AK9: variants seen among roughly 807,000 people sequenced by gnomAD.
The protein encoded by AK9 is adenylate kinase 9, also known as adenylate kinase domain containing 1.
AK9 carries 191 observed loss-of-function variants against 239.6 expected under a neutral mutation model. The ratio of observed to expected loss-of-function variants is 0.80; its 90% CI spans 0.71 to 0.90. The LOEUF (loss-of-function observed/expected upper bound fraction) is 0.90. Ranked by LOEUF, AK9 falls within the 40% of genes least tolerant of loss-of-function variation. AK9 has a pLI of 0.00. For synonymous variants in AK9, 689 were observed against 721.0 expected (o/e 0.96, Z 0.71); for missense variants, 1,995 against 2,214.7 (o/e 0.90, Z 1.99).
At chr6:109,626,980 T>A (rs989339807) in intron 12 of AK9, among the ~76,000 whole-genome samples, 5 of 152,100 alleles carry the variant, frequency 3.3e-5, no homozygotes, top group African/African-American at 1.2e-4. Context: ...CCTTGTCTTA[T>A]TATAGCTTTT....
At position 109,576,893 on chromosome 6, in the gene AK9, T is replaced by G. The variant is rs1788160481; in HGVS notation, c.2191+2657A>C. The stretch of plus-strand genomic sequence containing the variant: ...TCACCTAGGCTGGAGTGCAGTGGCA[T>G]GATCTCAGCTCATTGCAACCTCCAC... On this transcript the variant is annotated intron_variant, in intron 20 of 40. Transcript: ENST00000424296. 2.6e-5 allele frequency among the ~76,000 whole-genome samples: 4 copies of G among 151,668 alleles called. No homozygotes were observed. The South Asian group carries it at 8.4e-4, about 32-fold the overall frequency.
chr6:109,593,655 A>C (rs145556740), intron 17 of AK9, among the ~76,000 whole-genome samples: 28 of 152,034 alleles, frequency 1.8e-4, no homozygotes, highest in African/African-American at 6.5e-4. Flanking sequence ...ACATCAAAAA[A>C]CTTATCCACC....
At chr6:109,642,628 G>C (rs925139458) in intron 9 of AK9, among the ~76,000 whole-genome samples, 1 of 152,078 alleles carries the variant, frequency 6.6e-6, no homozygotes, top group Non-Finnish European at 1.5e-5. Context: ...GTAGTAAAAA[G>C]TGGTAGAATT....
In AK9 at chr6:109,623,860, T is replaced by C. The variant is rs186980965; in HGVS notation, c.1255-4624A>G. Reference sequence around the variant, plus strand: ...CAAATGATGAACTAGTTAGGAATCTTAGACACACACACACACACACACACA... The same window carrying C: ...CAAATGATGAACTAGTTAGGAATCTCAGACACACACACACACACACACACA... On this transcript the variant is annotated intron_variant, in intron 12 of 40. Coordinates refer to ENST00000424296, the MANE Select transcript of AK9 (RefSeq NM_001145128.3). 3.4e-3 allele frequency among the ~76,000 whole-genome samples: 319 copies of C among 94,910 alleles called. 1 individual carries two copies. The highest frequency in any genetic ancestry group is 5.4e-3 in the Non-Finnish European group (257 of 47,898). 62.3% of individuals were successfully genotyped at this position (94,910 alleles called of 152,430 possible).
At chr6:109,604,886 G>A (rs1413511095) in intron 17 of AK9, among the ~76,000 whole-genome samples, 1 of 151,904 alleles carries the variant, frequency 6.6e-6, no homozygotes, top group Non-Finnish European at 1.5e-5. Flanking sequence ...TTATTCATGT[G>A]GATCCTTCAT....
In AK9 at chr6:109,514,340, T is replaced by C; in HGVS notation, c.4163A>G (p.Glu1388Gly). 6.4e-7 allele frequency: 1 copy of C among 1,551,302 alleles called. No homozygotes were observed. The highest frequency in any genetic ancestry group is 8.7e-7 in the Non-Finnish European group (1 of 1,146,736). Residue 1388 changes from glutamate to glycine, a missense_variant, in exon 32 of 41, where the codon GAA becomes GGA. Physicochemically the swap from Glu to Gly is moderately conservative, Grantham distance 98 (BLOSUM62 -2). Around this residue, in one of 5 missense-constraint regions of AK9, gnomAD observed 1,290 missense variants for 1,392.7 expected, o/e 0.93. Transcript: ENST00000424296. Reference sequence around the variant, plus strand: ...GTTCTTCATAAATTTTTCTTTTGTTTCTTTACTAGATAAAAAATAAATATA... The same window carrying C: ...GTTCTTCATAAATTTTTCTTTTGTTCCTTTACTAGATAAAAAATAAATATA... ...RQYIYFLSSKETKEKFMKNPI... is the reference protein window; with the variant it reads ...RQYIYFLSSKGTKEKFMKNPI...
intron 8 of AK9, among the ~76,000 whole-genome samples, chr6:109,653,273 T>C (rs1259381807): frequency 6.6e-6 from 1 of 152,160 alleles, no homozygotes; most frequent in Non-Finnish European, 1.5e-5. Context: ...CAGTTGTTTT[T>C]CCAAAGGTGG....
intron 7 of AK9, 104 bp downstream of exon 7, chr6:109,659,124 A>G: frequency 7.6e-7 from 1 of 1,320,170 alleles, no homozygotes; most frequent in Non-Finnish European, 9.9e-7. Context: ...GATGTAAAGA[A>G]AATGTATAGC....
chr6:109,587,915 T>C (rs1262974890), intron 17 of AK9, among the ~76,000 whole-genome samples: 1 of 152,232 alleles, frequency 6.6e-6, no homozygotes, highest in African/African-American at 2.4e-5. Context: ...TAACAGTGTA[T>C]AAATAATTTC....
intron 24 of AK9, among the ~76,000 whole-genome samples, chr6:109,551,741 A>G (rs929265847): frequency 9.6e-5 from 14 of 146,422 alleles, no homozygotes; most frequent in African/African-American, 3.5e-4. Context: ...TCAAGTCCTT[A>G]TAATTTTTTT....
intron 5 of AK9, among the ~76,000 whole-genome samples, chr6:109,669,298 T>C (rs1262746319): frequency 6.6e-6 from 1 of 152,152 alleles, no homozygotes; most frequent in African/African-American, 2.4e-5. Flanking sequence ...GCTGAGACGA[T>C]GGGGTTTTCT....
At chr6:109,510,704 C>T (rs1778644581) in intron 32 of AK9, among the ~76,000 whole-genome samples, 1 of 152,234 alleles carries the variant, frequency 6.6e-6, no homozygotes. Flanking sequence ...GTTCACTCTT[C>T]ACTTGTCTGC....
At position 109,602,833 on chromosome 6, in the gene AK9, C is replaced by A. The variant is rs542410267; in HGVS notation, c.1842+7532G>T. The stretch of plus-strand genomic sequence containing the variant: ...TCATTTCATTCATTTGATCTTTAAT[C>A]ACTGATACCCTTTCTTCCAGTTGAT... On this transcript the variant is annotated intron_variant, in intron 17 of 40. Transcript: ENST00000424296. Among the ~76,000 whole-genome samples, 11 of 152,270 alleles carry A rather than the reference C, an allele frequency of 7.2e-5. No homozygotes were observed. In the South Asian group the frequency reaches 1.7e-3, roughly 23 times the overall value.
chr6:109,638,064 G>A (rs1018511395), intron 10 of AK9, among the ~76,000 whole-genome samples: 2 of 152,170 alleles, frequency 1.3e-5, no homozygotes, highest in South Asian at 2.1e-4. Context: ...AATGACTCCA[G>A]CATACACAGC....
chr6:109,526,324 A>T lies in AK9; in HGVS notation c.3633+2687T>A, dbSNP rs114185347. Reference sequence around the variant, plus strand: ...AGAAAAAATAAAATAAAAATTTTACACACTTTTCAAAAGAAAAAAAGGCAA... The same window carrying T: ...AGAAAAAATAAAATAAAAATTTTACTCACTTTTCAAAAGAAAAAAAGGCAA... On this transcript the variant is annotated intron_variant, in intron 29 of 40. Coordinates refer to ENST00000424296, the MANE Select transcript of AK9 (RefSeq NM_001145128.3). Among the ~76,000 whole-genome samples, 1,043 of 152,256 alleles carry T rather than the reference A, an allele frequency of 6.9e-3. 13 individuals are homozygous for T. The highest frequency in any genetic ancestry group is 0.024 in the African/African-American group (1,009 of 41,560).
At chr6:109,533,218 G>C in intron 28 of AK9, 33 bp downstream of exon 28, 1 of 1,523,970 alleles carries the variant, frequency 6.6e-7, no homozygotes, top group Non-Finnish European at 8.9e-7. Context: ...ATGCTGAACA[G>C]ATTTATTCAA....
At chr6:109,665,770 C>T (rs1199182734) in intron 5 of AK9, among the ~76,000 whole-genome samples, 3 of 152,206 alleles carry the variant, frequency 2.0e-5, no homozygotes, top group African/African-American at 7.2e-5. Context: ...CTTGCCCTTG[C>T]CTTGTAAGCA....
chr6:109,685,242 G>A (rs1773334225), intron 1 of AK9, among the ~76,000 whole-genome samples: 1 of 152,008 alleles, frequency 6.6e-6, no homozygotes, highest in African/African-American at 2.4e-5. Context: ...TATACCCAAA[G>A]GATTAGAAAT....
chr6:109,541,842 T>C (rs1425210541), intron 27 of AK9, among the ~76,000 whole-genome samples: 2 of 152,250 alleles, frequency 1.3e-5, no homozygotes, highest in African/African-American at 4.8e-5. Flanking sequence ...GAGTTTCAAA[T>C]TCAATTATTT....
Sources: allele counts gnomAD v4.1 joint callset (sites outside exome capture counted in the v4.1 genomes callset), GRCh38; gene constraint gnomAD v4.1.1; regional missense constraint gnomAD v4.1.1; transcripts MANE v1.5; gene names NCBI Gene and HGNC (gene_info 2026-07-23, HGNC 2026-07-21).